Variants in PPIP5K2 observed in about 807,000 individuals in gnomAD.
The protein encoded by PPIP5K2 is inositol hexakisphosphate and diphosphoinositol-pentakisphosphate kinase 2.
In PPIP5K2, 105 loss-of-function variants were observed where a neutral mutation model predicts 154.6. The ratio of observed to expected loss-of-function variants is 0.68; its 90% CI spans 0.58 to 0.80. The LOEUF (loss-of-function observed/expected upper bound fraction) is 0.80. PPIP5K2 is among the 30% of genes least tolerant of loss of function. The pLI is 0.00. For missense variants in PPIP5K2, 992 were observed against 1,504.6 expected (o/e 0.66, Z 5.64); for synonymous variants, 480 against 490.3 (o/e 0.98, Z 0.28).
intron 24 of PPIP5K2, among the ~76,000 whole-genome samples, chr5:103,182,657 AATAG>A (rs1380088531): frequency 2.6e-5 from 4 of 152,212 alleles, no homozygotes; most frequent in East Asian, 1.9e-4. Flanking sequence ...GGAGGGGGCA[AATAG>A]ATAGCTTGAA....
At chr5:103,121,029 A>G (rs782567751) in intron 1 of PPIP5K2, among the ~76,000 whole-genome samples, 1 of 152,068 alleles carries the variant, frequency 6.6e-6, no homozygotes, top group Non-Finnish European at 1.5e-5. Context: ...TTGAAGAAGA[A>G]GGGGCCAGGG....
At chr5:103,181,528 C>T (rs146340214) in intron 24 of PPIP5K2, among the ~76,000 whole-genome samples, 2 of 151,782 alleles carry the variant, frequency 1.3e-5, no homozygotes, top group African/African-American at 4.8e-5. Context: ...AGACCACCCC[C>T]CTGACTGCAC....
At position 103,205,303 on chromosome 5, in the gene PPIP5K2, T is replaced by C. The variant is rs1803449273; in HGVS notation, c.*3669T>C. ...ATTGTGAATAGTGCCACAATAAACA[T>C]ACGTGTGCATGTGTCTTTATAGTGG... On this transcript the variant is annotated 3_prime_UTR_variant, in exon 31 of 31. Coordinates refer to ENST00000358359, the MANE Select transcript of PPIP5K2 (RefSeq NM_001276277.3). The C allele has an allele frequency of 6.6e-6, 1 of 152,240 alleles. No individual in the cohort carries two copies. The highest frequency in any genetic ancestry group is 6.5e-5 in the Admixed American group (1 of 15,278). The allele number at this position is 152,240 out of a possible 1,614,324, so 9.4% of individuals were successfully genotyped here.
intron 15 of PPIP5K2, 31 bp from the exon 16 acceptor site, chr5:103,158,421 T>G: frequency 1.3e-6 from 2 of 1,595,480 alleles, no homozygotes; most frequent in Non-Finnish European, 1.7e-6. Flanking sequence ...AATGAAAATA[T>G]AGCTGAAGTG....
At chr5:103,188,875 G>T in intron 28 of PPIP5K2, 1 of 277,828 alleles carries the variant, frequency 3.6e-6, no homozygotes, top group Non-Finnish European at 6.6e-6. Context: ...TTAAAAATGT[G>T]GGTTTTCCGC....
chr5:103,171,648 C>T (rs556681810), intron 19 of PPIP5K2, among the ~76,000 whole-genome samples: 1 of 151,488 alleles, frequency 6.6e-6, no homozygotes, highest in Non-Finnish European at 1.5e-5. Flanking sequence ...TGTGATAAAA[C>T]TAGAAAATAC....
intron 9 of PPIP5K2, 85 bp from the exon 10 acceptor site, chr5:103,152,563 C>T (rs1431158745): frequency 2.5e-5 from 19 of 770,346 alleles, no homozygotes; most frequent in Non-Finnish European, 4.2e-5. Context: ...TAGTTTAACT[C>T]TTATGATTCT....
intron 19 of PPIP5K2, among the ~76,000 whole-genome samples, chr5:103,168,541 T>A (rs1182180358): frequency 2.6e-5 from 4 of 151,834 alleles, no homozygotes; most frequent in African/African-American, 9.7e-5. Flanking sequence ...AGCAGTTTTA[T>A]GTTCACAGCA....
chr5:103,182,301 A>G (rs1358361614), intron 24 of PPIP5K2, among the ~76,000 whole-genome samples: 2 of 152,184 alleles, frequency 1.3e-5, no homozygotes, highest in Non-Finnish European at 2.9e-5. Context: ...AAAACCTCTA[A>G]CAAAATCACT....
rs782575461 is a variant in PPIP5K2 at position 103,129,640 on chromosome 5, T to A, written c.51T>A (p.Asn17Lys). 6.2e-7 allele frequency: 1 copy of A among 1,609,650 alleles called. No individual in the cohort carries two copies. The stretch of plus-strand genomic sequence containing the variant: ...TTGGACCAGAAGATACAGAAATAAA[T>A]CCTGGAAATTATCGACATTTCTTCC... ...FFVGPEDTEI[N>K]PGNYRHFFHH... The change falls in exon 2 of 31, where the codon AAT becomes AAA. Residue 17 changes from asparagine to lysine, a missense_variant. This residue lies in a region of PPIP5K2 where 153 missense variants were observed against 200.4 expected (regional missense o/e 0.76). Coordinates refer to ENST00000358359, the MANE Select transcript of PPIP5K2 (RefSeq NM_001276277.3).
rs782071684 is a variant in PPIP5K2, at chr5:103,158,434, T to C, written c.1616-18T>C. 1.9e-5 allele frequency: 31 copies of C among 1,599,534 alleles called. No individual in the cohort carries two copies. In the Middle Eastern group the frequency reaches 1.0e-3, roughly 52 times the overall value. ...GAAATGAAAATATAGCTGAAGTGAT[T>C]TGAGGATTTATTTTCAGGAGATTAT... On this transcript the variant is annotated intron_variant, in intron 15 of 30. Transcript: ENST00000358359.
chr5:103,163,446 C>T (rs1796661977), intron 17 of PPIP5K2, among the ~76,000 whole-genome samples: 1 of 151,800 alleles, frequency 6.6e-6, no homozygotes, highest in Non-Finnish European at 1.5e-5. Flanking sequence ...AGGCATCAAC[C>T]TTGTCGAACT....
intron 21 of PPIP5K2, among the ~76,000 whole-genome samples, chr5:103,175,718 A>T (rs1554220810): frequency 6.6e-6 from 1 of 152,064 alleles, no homozygotes; most frequent in East Asian, 1.9e-4. Flanking sequence ...GGGTATGAGG[A>T]AACCAGTTAG....
At chr5:103,164,016 T>G (rs1232883828) in intron 17 of PPIP5K2, among the ~76,000 whole-genome samples, 1 of 152,038 alleles carries the variant, frequency 6.6e-6, no homozygotes, top group African/African-American at 2.4e-5. Context: ...TACAAATATT[T>G]CATTAAATTT....
rs782387216 is a variant in PPIP5K2, at chr5:103,174,002, A to T, written c.2529+30A>T. ...GTAGAATAAGTTATTTCAGTCTAAC[A>T]AATATATTTAATTTTGTAATTAAAT... On this transcript the variant is annotated intron_variant, in intron 21 of 30. Coordinates refer to ENST00000358359, the MANE Select transcript of PPIP5K2 (RefSeq NM_001276277.3). The T allele has an allele frequency of 2.1e-6, 3 of 1,428,284 alleles. No homozygotes were observed. The South Asian group carries it at 3.7e-5, about 18-fold the overall frequency. 88.5% of individuals were successfully genotyped at this position (1,428,284 alleles called of 1,614,324 possible).
At chr5:103,173,417 T>A in intron 20 of PPIP5K2, 135 bp downstream of exon 20, 1 of 1,088,344 alleles carries the variant, frequency 9.2e-7, no homozygotes, top group Non-Finnish European at 1.3e-6. Context: ...TACCTAGGTA[T>A]TTCTATTAAG....
At chr5:103,190,374 T>C (rs536222405) in intron 28 of PPIP5K2, among the ~76,000 whole-genome samples, 317 of 152,122 alleles carry the variant, frequency 2.1e-3, no homozygotes, top group Non-Finnish European at 3.5e-3. Context: ...TCATTGGTCT[T>C]GGCACACCTG....
At chr5:103,143,967 A>G (rs1470642686) in intron 5 of PPIP5K2, among the ~76,000 whole-genome samples, 1 of 152,176 alleles carries the variant, frequency 6.6e-6, no homozygotes, top group Non-Finnish European at 1.5e-5. Context: ...AATAAAGGGC[A>G]TCCAAATTGA....
Position 103,159,149 on chromosome 5 carries a change from CT to C in PPIP5K2, c.1745del (p.Leu582Ter). 6.4e-7 allele frequency: 1 copy of C among 1,564,814 alleles called. No homozygotes were observed. The highest frequency in any genetic ancestry group is 8.7e-7 in the Non-Finnish European group (1 of 1,153,612). ...QMTAAAFAKG[L>X]LALEGELTPI... ...TTTCTTTATTTAATATGCTTAGGGG[CT>C]TTTAGCTTTGGAAGGAGAGCTTACA... is the stretch of plus-strand genomic sequence containing the variant. On this transcript the variant is annotated frameshift_variant, in exon 17 of 31. Coordinates refer to ENST00000358359, the MANE Select transcript of PPIP5K2 (RefSeq NM_001276277.3). LOFTEE classifies it high-confidence loss of function.
Sources: gnomAD v4.1 joint callset for allele counts (sites outside exome capture counted in the v4.1 genomes callset) on GRCh38, gnomAD v4.1.1 for gene constraint, gnomAD v4.1.1 regional missense constraint, MANE v1.5 for transcripts, NCBI Gene and HGNC (gene_info 2026-07-23, HGNC 2026-07-21) for gene names.